ANKRD22: variants seen among roughly 807,000 people sequenced by gnomAD.
ANKRD22 encodes ankyrin repeat domain-containing protein 22.
ANKRD22 carries 24 observed loss-of-function variants against 25.7 expected under a neutral mutation model. The ratio of observed to expected loss-of-function variants is 0.93; its 90% CI spans 0.68 to 1.31. The LOEUF is 1.31. Among genes scored for constraint, ANKRD22 ranks in the 50% most tolerant of loss-of-function variants. ANKRD22 has a pLI of 0.00. For synonymous variants in ANKRD22, 84 were observed against 84.3 expected (o/e 1.00, Z 0.02); for missense variants, 214 against 227.1 (o/e 0.94, Z 0.37).
rs767312502 is a variant in ANKRD22 at position 88,828,576 on chromosome 10, T to G, written c.304A>C (p.Ile102Leu). The G allele has an allele frequency of 6.2e-7, 1 of 1,606,750 alleles. No homozygotes were observed. The highest frequency in any genetic ancestry group is 1.3e-5 in the African/African-American group (1 of 74,722). The change falls in exon 3 of 6, where the codon ATT becomes CTT. Residue 102 changes from isoleucine to leucine, a missense_variant. Physicochemically the swap from Ile to Leu is conservative, Grantham distance 5. Coordinates refer to ENST00000371930, the MANE Select transcript of ANKRD22 (RefSeq NM_144590.3). ...GTACTCACCATGAGGAAATACCCAA[T>G]AAGCAGAACAGGCATTAAGAGGATA... ...LIILLMPVLLIGYFLMVSKTK... is the reference protein window; with the variant it reads ...LIILLMPVLLLGYFLMVSKTK...
In ANKRD22 at chr10:88,820,582, A is replaced by T; in HGVS notation, c.*2359T>A. ...ATGAAGGCAGAATTACGGAGAGCAG[A>T]GACCTAGTATACATTTTTCAGATTC... On this transcript the variant is annotated 3_prime_UTR_variant, in exon 6 of 6. Coordinates refer to ENST00000371930, the MANE Select transcript of ANKRD22 (RefSeq NM_144590.3). 1 of 1,335,850 alleles carries T rather than the reference A, an allele frequency of 7.5e-7. No homozygotes were observed. Among genetic ancestry groups the T allele is most frequent in the Non-Finnish European group, 1.0e-6 (1 of 996,546 alleles). The allele number at this position is 1,335,850 out of a possible 1,614,324, so 82.7% of individuals were successfully genotyped here.
chr10:88,829,981 G>T (rs562569745), intron 2 of ANKRD22, among the ~76,000 whole-genome samples: 1 of 146,846 alleles, frequency 6.8e-6, no homozygotes, highest in South Asian at 2.2e-4. Context: ...AGATGCGGGG[G>T]TCTTGCTATG....
At position 88,821,918 on chromosome 10, in the gene ANKRD22, T is replaced by C. The variant is rs1843800069; in HGVS notation, c.*1023A>G. On this transcript the variant is annotated 3_prime_UTR_variant, in exon 6 of 6. Coordinates refer to ENST00000371930, the MANE Select transcript of ANKRD22 (RefSeq NM_144590.3). ...ATTCGCAATCTCTCACTTAGACAAA[T>C]AATCCAGATCCTACCTCATTGTATA... Among the ~76,000 whole-genome samples, 1 of 152,226 alleles carries C rather than the reference T, an allele frequency of 6.6e-6. No individual in the cohort carries two copies. Among genetic ancestry groups the C allele is most frequent in the Admixed American group, 6.5e-5 (1 of 15,276 alleles).
intron 1 of ANKRD22, among the ~76,000 whole-genome samples, chr10:88,843,047 C>G (rs75173919): frequency 6.6e-6 from 1 of 152,090 alleles, no homozygotes; most frequent in Non-Finnish European, 1.5e-5. Flanking sequence ...CCAGAAATTA[C>G]CACTACTTCC....
At position 88,850,603 on chromosome 10, in the gene ANKRD22, C is replaced by G. The variant is rs189836011; in HGVS notation, c.21+984G>C. ...AACTGCATTTCAAACAAACTTCTCT[C>G]CCTGACACTTGGGCAGTCTAAAGTT... On this transcript the variant is annotated intron_variant, in intron 1 of 5. Transcript: ENST00000371930. 3.9e-5 allele frequency among the ~76,000 whole-genome samples: 6 copies of G among 152,240 alleles called. No homozygotes were observed. In the East Asian group the frequency reaches 1.2e-3, roughly 29 times the overall value.
intron 3 of ANKRD22, among the ~76,000 whole-genome samples, chr10:88,826,782 G>T (rs1843859958): frequency 6.6e-6 from 1 of 152,060 alleles, no homozygotes; most frequent in African/African-American, 2.4e-5. Context: ...TCGCCTTTCT[G>T]TATCACCCGC....
At chr10:88,846,242 T>G (rs1017620056) in intron 1 of ANKRD22, among the ~76,000 whole-genome samples, 2 of 152,154 alleles carry the variant, frequency 1.3e-5, no homozygotes, top group African/African-American at 4.8e-5. Context: ...ATGCCAGGTA[T>G]GCACAACTGT....
intron 1 of ANKRD22, among the ~76,000 whole-genome samples, chr10:88,835,304 C>T (rs1315434306): frequency 2.0e-5 from 3 of 152,122 alleles, no homozygotes; most frequent in Non-Finnish European, 2.9e-5. Flanking sequence ...TTCCTAGATC[C>T]AAGACACAGA....
rs1341368216 is a variant in ANKRD22, at chr10:88,820,085, G to C, written c.*2856C>G. Reference sequence around the variant, plus strand: ...TTACCTTAAAGTAAGGGCGGGAACAGAAATTCTTAACAGAGTTGTGTGGCT... The same window carrying C: ...TTACCTTAAAGTAAGGGCGGGAACACAAATTCTTAACAGAGTTGTGTGGCT... On this transcript the variant is annotated 3_prime_UTR_variant, in exon 6 of 6. Coordinates refer to ENST00000371930, the MANE Select transcript of ANKRD22 (RefSeq NM_144590.3). The C allele has an allele frequency of 6.3e-6, 4 of 637,000 alleles. No individual in the cohort carries two copies. Among genetic ancestry groups the C allele is most frequent in the Non-Finnish European group, 1.0e-5 (4 of 382,800 alleles). 39.5% of individuals were successfully genotyped at this position (637,000 alleles called of 1,614,324 possible). A position where few individuals can be genotyped will look rare whatever the true frequency, so the allele number is the denominator to read the frequency against.
Position 88,826,075 on chromosome 10 carries a change from A to G in ANKRD22, c.362T>C (p.Leu121Pro), listed in dbSNP as rs772672902. 31 of 1,613,158 alleles carry G rather than the reference A, an allele frequency of 1.9e-5. 1 individual carries two copies. In the South Asian group the frequency reaches 2.6e-4, roughly 14 times the overall value. The change falls in exon 4 of 6, where the codon CTA becomes CCA. Residue 121 changes from leucine to proline, a missense_variant. Physicochemically the swap from Leu to Pro is moderately conservative, Grantham distance 98. Coordinates refer to ENST00000371930, the MANE Select transcript of ANKRD22 (RefSeq NM_144590.3). Reference sequence around the variant, plus strand: ...ATTAACTTCGACGCCAGCATCAAGTAGCATTCGTACAAGAGCCTCATTCTG... The same window carrying G: ...ATTAACTTCGACGCCAGCATCAAGTGGCATTCGTACAAGAGCCTCATTCTG... ...TKQNEALVRMLLDAGVEVNAT... is the reference protein window; with the variant it reads ...TKQNEALVRMPLDAGVEVNAT...
At position 88,820,384 on chromosome 10, in the gene ANKRD22, T is replaced by C. The variant is rs1843774021; in HGVS notation, c.*2557A>G. The C allele has an allele frequency of 5.2e-6, 8 of 1,552,180 alleles. No homozygotes were observed. Among genetic ancestry groups the C allele is most frequent in the Non-Finnish European group, 7.0e-6 (8 of 1,147,138 alleles). ...ACCATAAGAATATTCCTGAATGGGC[T>C]CACGTGGATTTCATCTGGGGTTTGG... On this transcript the variant is annotated 3_prime_UTR_variant, in exon 6 of 6. Transcript: ENST00000371930.
chr10:88,848,865 G>A (rs1348454188), intron 1 of ANKRD22, among the ~76,000 whole-genome samples: 1 of 152,020 alleles, frequency 6.6e-6, no homozygotes. Flanking sequence ...GATCTAAATT[G>A]CTCTCCCTAG....
intron 1 of ANKRD22, among the ~76,000 whole-genome samples, chr10:88,836,751 C>A (rs1843957686): frequency 6.6e-6 from 1 of 152,192 alleles, no homozygotes; most frequent in Non-Finnish European, 1.5e-5. Flanking sequence ...CAGACTCCTT[C>A]TCCAACCTGA....
rs370356427 is a variant in ANKRD22 at position 88,851,826 on chromosome 10, A to G, written c.-219T>C. The G allele has an allele frequency of 1.8e-6, 1 of 568,530 alleles. No individual in the cohort carries two copies. 35.2% of individuals were successfully genotyped at this position (568,530 alleles called of 1,614,324 possible). A position where few individuals can be genotyped will look rare whatever the true frequency, so the allele number is the denominator to read the frequency against. On this transcript the variant is annotated 5_prime_UTR_variant, in exon 1 of 6. Coordinates refer to ENST00000371930, the MANE Select transcript of ANKRD22 (RefSeq NM_144590.3). ...CAGAGAGCCCAGCCCAATGAAACAA[A>G]GGCACTGGTGTCATGTGTAACGACC...
rs1843885289 is a variant in ANKRD22 at position 88,829,448 on chromosome 10, G to A, written c.214-782C>T. On this transcript the variant is annotated intron_variant, in intron 2 of 5. Transcript: ENST00000371930. ...TAAAAAAATTTTAGAAACTAGAGAGGAACATAACGATAGAATTTTAAATTG... is the reference window on the plus strand; with the variant it reads ...TAAAAAAATTTTAGAAACTAGAGAGAAACATAACGATAGAATTTTAAATTG... Among the ~76,000 whole-genome samples, 4 of 152,240 alleles carry A rather than the reference G, an allele frequency of 2.6e-5. No individual in the cohort carries two copies. In the South Asian group the frequency reaches 8.3e-4, roughly 32 times the overall value.
At chr10:88,828,444 C>T in intron 3 of ANKRD22, 115 bp downstream of exon 3, 1 of 808,076 alleles carries the variant, frequency 1.2e-6, no homozygotes, top group South Asian at 1.5e-5. Context: ...AGAATACAAA[C>T]CAAAGGCTTT....
At chr10:88,830,781 C>T (rs533359509) in intron 2 of ANKRD22, among the ~76,000 whole-genome samples, 10 of 152,270 alleles carry the variant, frequency 6.6e-5, no homozygotes, top group Admixed American at 5.2e-4. Flanking sequence ...TCCTAACGAG[C>T]GCACCTCTTA....
chr10:88,823,914 T>C (rs1231007956), intron 4 of ANKRD22, among the ~76,000 whole-genome samples: 1 of 152,218 alleles, frequency 6.6e-6, no homozygotes, highest in East Asian at 1.9e-4. Flanking sequence ...CCTTTTTGTT[T>C]TCCATTTTCT....
In ANKRD22 at chr10:88,820,084, A is replaced by G. The variant is rs375499409; in HGVS notation, c.*2857T>C. 114 of 632,184 alleles carry G rather than the reference A, an allele frequency of 1.8e-4. 1 individual carries two copies. In the African/African-American group the frequency reaches 1.8e-3, roughly 10 times the overall value. The allele number at this position is 632,184 out of a possible 1,614,324, so 39.2% of individuals were successfully genotyped here. A position where few individuals can be genotyped will look rare whatever the true frequency, so the allele number is the denominator to read the frequency against. On this transcript the variant is annotated 3_prime_UTR_variant, in exon 6 of 6. Transcript: ENST00000371930. The stretch of plus-strand genomic sequence containing the variant: ...TTTACCTTAAAGTAAGGGCGGGAAC[A>G]GAAATTCTTAACAGAGTTGTGTGGC...
Sources: gnomAD v4.1 joint callset for allele counts (sites outside exome capture counted in the v4.1 genomes callset) on GRCh38, gnomAD v4.1.1 for gene constraint, MANE v1.5 for transcripts, NCBI Gene and HGNC (gene_info 2026-07-23, HGNC 2026-07-21) for gene names.